The following PHF21A variants were observed in gnomAD, a reference collection of about 807,000 sequenced individuals.
PHF21A encodes BHC80a.
Under a neutral mutation model 82.5 loss-of-function variants are expected in PHF21A, and 11 were observed. The ratio of observed to expected loss-of-function variants is 0.13; its 90% CI spans 0.08 to 0.22. PHF21A has a LOEUF of 0.22. PHF21A is among the 10% of genes least tolerant of loss of function. The pLI is 1.00. For missense variants in PHF21A, 579 were observed against 837.8 expected, an observed-to-expected ratio of 0.69 and a Z score of 3.81; for synonymous variants, 297 against 302.8, an observed-to-expected ratio of 0.98 and a Z score of 0.20.
intron 18 of PHF21A, chr11:45,934,428 G>A (rs1248067318): frequency 1.3e-5 from 7 of 554,976 alleles, no homozygotes; most frequent in Middle Eastern, 4.6e-4. Flanking sequence ...GTAGGCTGGG[G>A]GGTCCCAGGT....
At chr11:45,961,033 T>C (rs962513589) in intron 10 of PHF21A, among the ~76,000 whole-genome samples, 3 of 152,204 alleles carry the variant, frequency 2.0e-5, no homozygotes, top group Non-Finnish European at 4.4e-5. Context: ...ATCATGCTTG[T>C]CTTACTTATT....
intron 7 of PHF21A, among the ~76,000 whole-genome samples, chr11:45,972,558 G>A (rs1022221452): frequency 3.9e-5 from 6 of 152,184 alleles, no homozygotes; most frequent in African/African-American, 1.4e-4. Flanking sequence ...CAGGTGGATC[G>A]TCTGAGGTCA....
chr11:46,039,541 T>C (rs2096081357), intron 6 of PHF21A, among the ~76,000 whole-genome samples: 1 of 152,162 alleles, frequency 6.6e-6, no homozygotes, highest in Admixed American at 6.5e-5. Context: ...CTTGCAAGTG[T>C]CAGCATGGAG....
At chr11:45,999,923 T>C (rs147855084) in intron 6 of PHF21A, among the ~76,000 whole-genome samples, 81 of 152,350 alleles carry the variant, frequency 5.3e-4, no homozygotes, top group East Asian at 1.9e-3. Flanking sequence ...TTATCCTCTG[T>C]GCTAAGAGAA....
intron 15 of PHF21A, among the ~76,000 whole-genome samples, chr11:45,938,969 G>C (rs1474704477): frequency 6.6e-6 from 1 of 152,028 alleles, no homozygotes; most frequent in Non-Finnish European, 1.5e-5. Context: ...GAGTAGCTGG[G>C]ACCACAGGCA....
chr11:45,934,541 G>T, intron 18 of PHF21A: 1 of 296,210 alleles, frequency 3.4e-6, no homozygotes. Flanking sequence ...TCCAAACAAA[G>T]GTTGTTTAAA....
In PHF21A at chr11:45,971,189, A is replaced by T. The variant is rs1228554410; in HGVS notation, c.539T>A (p.Leu180His). ...CCCAGTGACCTTACTAGACGTCTGG[A>T]GGTTGACTGGTGTGTTCTGCACATC... Reference protein sequence around the residue: ...STDVQNTPVNLQTSSKVTGPG... With the variant: ...STDVQNTPVNHQTSSKVTGPG... Residue 180 changes from leucine (L) to histidine (H), a missense_variant, in exon 8 of 19, where the codon CTC becomes CAC. Transcript: ENST00000676320. 6.2e-7 allele frequency: 1 copy of T among 1,614,160 alleles called. No homozygotes were observed. Among genetic ancestry groups the T allele is most frequent in the South Asian group, 1.1e-5 (1 of 91,090 alleles).
intron 6 of PHF21A, among the ~76,000 whole-genome samples, chr11:46,007,533 C>T (rs1195298482): frequency 6.6e-6 from 1 of 152,028 alleles, no homozygotes; most frequent in Non-Finnish European, 1.5e-5. Flanking sequence ...AGGCTGGTCT[C>T]GAACTCCTGA....
chr11:45,969,282 G>C (rs2093629598), intron 9 of PHF21A, among the ~76,000 whole-genome samples: 1 of 152,218 alleles, frequency 6.6e-6, no homozygotes, highest in Non-Finnish European at 1.5e-5. Flanking sequence ...ACTCTCAGGA[G>C]AGTATGGTCA....
rs992023975 is a variant in PHF21A at position 46,049,636 on chromosome 11, C to A, written c.153+27118G>T. ...CCCACCTGTCACAGCACTCTCCTTG[C>A]TGGTTGCCAGCATGCTCCCTTGCAA... On this transcript the variant is annotated intron_variant, in intron 6 of 18. Coordinates refer to ENST00000676320, the MANE Select transcript of PHF21A (RefSeq NM_001352027.3). 2.7e-5 allele frequency: 10 copies of A among 375,936 alleles called. No individual in the cohort carries two copies. The Admixed American group carries it at 3.3e-4, about 12-fold the overall frequency. The allele number at this position is 375,936 out of a possible 1,614,324, so 23.3% of individuals were successfully genotyped here.
intron 1 of PHF21A, among the ~76,000 whole-genome samples, chr11:46,102,193 C>A (rs183917955): frequency 7.9e-5 from 12 of 152,314 alleles, no homozygotes; most frequent in Admixed American, 7.8e-4. Flanking sequence ...AAGTGATACA[C>A]CAGCCTCGGC....
Position 46,100,701 on chromosome 11 carries a change from T to C in PHF21A, c.-236-8478A>G, listed in dbSNP as rs542515075. Among the ~76,000 whole-genome samples the C allele has an allele frequency of 7.9e-5, 12 of 152,296 alleles. No individual in the cohort carries two copies. In the South Asian group the frequency reaches 2.5e-3, roughly 32 times the overall value. On this transcript the variant is annotated intron_variant, in intron 1 of 18. Coordinates refer to ENST00000676320, the MANE Select transcript of PHF21A (RefSeq NM_001352027.3). Reference sequence around the variant, plus strand: ...GACTATGCTTCCCCATGCATTGAGATGGAATAATTACACCTGTGGGTCTAA... The same window carrying C: ...GACTATGCTTCCCCATGCATTGAGACGGAATAATTACACCTGTGGGTCTAA...
At chr11:46,002,859 G>A in intron 6 of PHF21A, among the ~76,000 whole-genome samples, 1 of 151,492 alleles carries the variant, frequency 6.6e-6, no homozygotes, top group East Asian at 1.9e-4. Context: ...CTAGAACAAA[G>A]CAAAACAAAA....
At chr11:46,020,866 C>T (rs2095614580) in intron 6 of PHF21A, among the ~76,000 whole-genome samples, 1 of 152,180 alleles carries the variant, frequency 6.6e-6, no homozygotes, top group South Asian at 2.1e-4. Flanking sequence ...ATTCAGTAAG[C>T]TTCTCAATTA....
At chr11:45,993,786 G>C (rs892863193) in intron 6 of PHF21A, among the ~76,000 whole-genome samples, 2 of 151,696 alleles carry the variant, frequency 1.3e-5, no homozygotes, top group African/African-American at 4.8e-5. Context: ...AAGCAGGAGA[G>C]GAGCCAGTGG....
intron 6 of PHF21A, among the ~76,000 whole-genome samples, chr11:46,007,342 G>A (rs2095319107): frequency 2.0e-5 from 3 of 150,666 alleles, no homozygotes; most frequent in African/African-American, 7.3e-5. Flanking sequence ...TCGAGATGGA[G>A]TTTCACTCTT....
intron 3 of PHF21A, among the ~76,000 whole-genome samples, chr11:46,089,510 T>C (rs2096898128): frequency 6.6e-6 from 1 of 152,070 alleles, no homozygotes; most frequent in Non-Finnish European, 1.5e-5. Context: ...CATCACAGTG[T>C]TTCTTTTATG....
At chr11:45,973,318 T>A (rs1159115650) in intron 7 of PHF21A, among the ~76,000 whole-genome samples, 1 of 152,200 alleles carries the variant, frequency 6.6e-6, no homozygotes, top group African/African-American at 2.4e-5. Flanking sequence ...CAGAAACACA[T>A]CTGGACAACT....
chr11:46,033,403 C>G (rs1283563086), intron 6 of PHF21A, among the ~76,000 whole-genome samples: 6 of 151,976 alleles, frequency 3.9e-5, no homozygotes, highest in Admixed American at 3.9e-4. Flanking sequence ...CAGCTGGGAC[C>G]ACAGGTGTGC....
Sources: allele counts gnomAD v4.1 joint callset (sites outside exome capture counted in the v4.1 genomes callset), GRCh38; gene constraint gnomAD v4.1.1; transcripts MANE v1.5; gene names NCBI Gene and HGNC (gene_info 2026-07-23, HGNC 2026-07-21).